The following ANKRD27 variants were observed in gnomAD, a reference collection of about 807,000 sequenced individuals.
The protein encoded by ANKRD27 is ankyrin repeat domain-containing protein 27.
In ANKRD27, 112 loss-of-function variants were observed where a neutral mutation model predicts 129.7. That is an observed-to-expected ratio of 0.86 (90% CI 0.74 to 1.01). The LOEUF is 1.01. Ranked by LOEUF, ANKRD27 falls within the 50% of genes least tolerant of loss-of-function variation. The pLI, the probability that ANKRD27 is intolerant of heterozygous loss-of-function variation, is 0.00. For synonymous variants in ANKRD27, 516 were observed against 511.2 expected (o/e 1.01, Z -0.13); for missense variants, 1,258 against 1,300.5 (o/e 0.97, Z 0.50).
intron 26 of ANKRD27, among the ~76,000 whole-genome samples, chr19:32,600,833 A>G (rs552466892): frequency 6.6e-6 from 1 of 152,162 alleles, no homozygotes; most frequent in Non-Finnish European, 1.5e-5. Context: ...ATATTATTGT[A>G]TTGCATTATT....
intron 26 of ANKRD27, among the ~76,000 whole-genome samples, chr19:32,600,825 A>G (rs1971640771): frequency 6.6e-6 from 1 of 152,130 alleles, no homozygotes; most frequent in African/African-American, 2.4e-5. Flanking sequence ...GTTTATCCAT[A>G]TTATTGTATT....
At chr19:32,665,627 T>C (rs941066884) in intron 1 of ANKRD27, among the ~76,000 whole-genome samples, 1 of 151,862 alleles carries the variant, frequency 6.6e-6, no homozygotes, top group African/African-American at 2.4e-5. Context: ...GCCCAGCTAA[T>C]TTTTTGTATT....
intron 23 of ANKRD27, among the ~76,000 whole-genome samples, 170 bp from the exon 24 acceptor site, chr19:32,606,124 TG>T (rs11325325): frequency 0.18 from 26,998 of 150,340 alleles, 3,022 homozygotes; most frequent in African/African-American, 0.31. Flanking sequence ...CTTATTTTTT[TG>T]TTGTTGTTCT....
chr19:32,619,524 C>G lies in ANKRD27; in HGVS notation c.1857G>C (p.Leu619=). The G allele has an allele frequency of 6.2e-7, 1 of 1,614,134 alleles. No homozygotes were observed. The highest frequency in any genetic ancestry group is 1.3e-5 in the African/African-American group (1 of 75,032). The change falls in exon 19 of 29, where the codon CTG becomes CTC. Residue 619 remains leucine, a synonymous_variant. Coordinates refer to ENST00000306065, the MANE Select transcript of ANKRD27 (RefSeq NM_032139.3). ...ACGACTTCTGCCTCCTCTCGAAGGA[C>G]AGGTGATAGGCTTCCATTACAGACA... ...KILSVMEAYH[L]SFERRQKSSE...
chr19:32,632,569 A>T (rs574900795), intron 12 of ANKRD27, among the ~76,000 whole-genome samples: 3 of 138,086 alleles, frequency 2.2e-5, no homozygotes, highest in Non-Finnish European at 4.6e-5. Context: ...TGGGTGACAG[A>T]GCAAGACTCC....
chr19:32,603,046 C>A (rs999708572), intron 25 of ANKRD27, among the ~76,000 whole-genome samples: 1 of 152,106 alleles, frequency 6.6e-6, no homozygotes, highest in African/African-American at 2.4e-5. Context: ...CGTCTGTAAT[C>A]CCAGCACTTC....
chr19:32,644,188 A>T (rs896604557), intron 5 of ANKRD27, 137 bp downstream of exon 5: 3 of 1,056,694 alleles, frequency 2.8e-6, no homozygotes, highest in African/African-American at 3.2e-5. Flanking sequence ...CTACTTTTAT[A>T]GTTAGAGAGA....
chr19:32,623,171 A>G (rs1337012703), intron 17 of ANKRD27, among the ~76,000 whole-genome samples: 2 of 138,376 alleles, frequency 1.4e-5, no homozygotes, highest in African/African-American at 2.4e-5. Context: ...CTCCATGTAC[A>G]GAACAGAGTT....
At position 32,617,706 on chromosome 19, in the gene ANKRD27, T is replaced by C. The variant is rs984790369; in HGVS notation, c.2008-73A>G. On this transcript the variant is annotated intron_variant, in intron 20 of 28. Transcript: ENST00000306065. Reference sequence around the variant, plus strand: ...ATAATAATAGAAATAATATAAACATTCTGAAAATCTATTGGCTTGATTTGT... The same window carrying C: ...ATAATAATAGAAATAATATAAACATCCTGAAAATCTATTGGCTTGATTTGT... 5 of 626,506 alleles carry C rather than the reference T, an allele frequency of 8.0e-6. No homozygotes were observed. In the African/African-American group the frequency reaches 9.4e-5, roughly 12 times the overall value. The allele number at this position is 626,506 out of a possible 1,614,324, so 38.8% of individuals were successfully genotyped here. A position where few individuals can be genotyped will look rare whatever the true frequency, so the allele number is the denominator to read the frequency against.
At position 32,643,149 on chromosome 19, in the gene ANKRD27, T is replaced by C. The variant is rs1967233282; in HGVS notation, c.756A>G (p.Lys252=). 1 of 1,613,936 alleles carries C rather than the reference T, an allele frequency of 6.2e-7. No homozygotes were observed. Among genetic ancestry groups the C allele is most frequent in the Non-Finnish European group, 8.5e-7 (1 of 1,179,988 alleles). Residue 252 remains lysine (K), a synonymous_variant, in exon 9 of 29, where the codon AAA becomes AAG. Transcript: ENST00000306065. ...TGAACTCCGGTTTCACACCAATATCTTTCTGCTGAAGATCTTGAAGGCTTC... is the reference window on the plus strand; with the variant it reads ...TGAACTCCGGTTTCACACCAATATCCTTCTGCTGAAGATCTTGAAGGCTTC... ...ITRSLQDLQQ[K]DIGVKPEFSF... is the part of the protein sequence containing the mutation.
intron 14 of ANKRD27, 147 bp from the exon 15 acceptor site, chr19:32,628,312 G>A: frequency 1.5e-6 from 1 of 672,194 alleles, no homozygotes; most frequent in South Asian, 1.9e-5. Flanking sequence ...CTGTCCCAGT[G>A]CTCACCCAGC....
chr19:32,661,944 C>A (rs1008536425), intron 1 of ANKRD27, among the ~76,000 whole-genome samples: 2 of 152,092 alleles, frequency 1.3e-5, no homozygotes, highest in African/African-American at 4.8e-5. Context: ...CTTTTTGAGC[C>A]TTAAGAAATC....
rs114165668 is a variant in ANKRD27, at chr19:32,624,733, G to T, written c.1629+1141C>A. ...AGGTGGGAGGATTACTTGAGTTCAG[G>T]AATGTAAGACCAGCCTGGGCAACAT... On this transcript the variant is annotated intron_variant, in intron 17 of 28. Coordinates refer to ENST00000306065, the MANE Select transcript of ANKRD27 (RefSeq NM_032139.3). 2.7e-3 allele frequency among the ~76,000 whole-genome samples: 410 copies of T among 151,698 alleles called. 1 individual carries two copies. Among genetic ancestry groups the T allele is most frequent in the African/African-American group, 9.0e-3 (373 of 41,398 alleles).
At chr19:32,664,384 A>G (rs1451991545) in intron 1 of ANKRD27, among the ~76,000 whole-genome samples, 1 of 151,788 alleles carries the variant, frequency 6.6e-6, no homozygotes, top group African/African-American at 2.4e-5. Context: ...GCACTCTGGG[A>G]GGCTGAGGTG....
intron 1 of ANKRD27, among the ~76,000 whole-genome samples, chr19:32,668,466 T>C (rs1387140312): frequency 3.4e-5 from 5 of 145,094 alleles, no homozygotes; most frequent in Non-Finnish European, 7.5e-5. Context: ...TGCCCAGTCT[T>C]ATCTTCATCT....
intron 2 of ANKRD27, among the ~76,000 whole-genome samples, chr19:32,654,058 G>A (rs1967473528): frequency 1.3e-5 from 2 of 152,094 alleles, no homozygotes; most frequent in East Asian, 1.9e-4. Flanking sequence ...CTGCCACCAC[G>A]CACGGCTAAT....
At chr19:32,606,755 G>GT (rs753737847) in intron 23 of ANKRD27, among the ~76,000 whole-genome samples, 23 of 151,848 alleles carry the variant, frequency 1.5e-4, no homozygotes, top group Non-Finnish European at 3.1e-4. Context: ...TCTTTAAAAA[G>GT]TTAACAGTAG....
At chr19:32,643,784 A>G (rs1967249042) in intron 5 of ANKRD27, 153 bp from the exon 6 acceptor site, 1 of 709,440 alleles carries the variant, frequency 1.4e-6, no homozygotes, top group Admixed American at 2.4e-5. Flanking sequence ...TTAGGTGTAT[A>G]TGCATTAAAA....
chr19:32,660,565 G>C (rs561855741), intron 1 of ANKRD27, among the ~76,000 whole-genome samples: 1 of 152,020 alleles, frequency 6.6e-6, no homozygotes, highest in Non-Finnish European at 1.5e-5. Context: ...TTGCTCCTCC[G>C]GCCACGTGAG....
Sources: gnomAD v4.1 joint callset for allele counts (sites outside exome capture counted in the v4.1 genomes callset) on GRCh38, gnomAD v4.1.1 for gene constraint, MANE v1.5 for transcripts, NCBI Gene and HGNC (gene_info 2026-07-23, HGNC 2026-07-21) for gene names.